Variants in MAN1A1 observed in about 807,000 individuals in gnomAD.
The protein encoded by MAN1A1 is mannosyl-oligosaccharide 1,2-alpha-mannosidase IA.
Under a neutral mutation model 70.8 loss-of-function variants are expected in MAN1A1, and 29 were observed. The ratio of observed to expected loss-of-function variants is 0.41; its 90% CI spans 0.31 to 0.56. MAN1A1 has a LOEUF of 0.56. Among genes scored for constraint, MAN1A1 ranks in the 20% least tolerant of loss-of-function variants. The pLI, the probability that MAN1A1 is intolerant of heterozygous loss-of-function variation, is 0.29. For synonymous variants in MAN1A1, 349 were observed against 330.1 expected, an observed-to-expected ratio of 1.06 and a Z score of -0.62; for missense variants, 747 against 841.3, an observed-to-expected ratio of 0.89 and a Z score of 1.39.
chr6:119,347,008 AGTT>A (rs1409947522), intron 2 of MAN1A1, among the ~76,000 whole-genome samples: 2 of 152,350 alleles, frequency 1.3e-5, no homozygotes, highest in Admixed American at 6.5e-5. Context: ...ACTGCTAGAC[AGTT>A]GTTCTGGAAA....
intron 5 of MAN1A1, among the ~76,000 whole-genome samples, chr6:119,279,431 A>G (rs1402266933): frequency 6.6e-6 from 1 of 152,206 alleles, no homozygotes; most frequent in East Asian, 1.9e-4. Context: ...GCTTGTACCT[A>G]AAGTGCCGAA....
chr6:119,306,137 G>A (rs559631904), intron 3 of MAN1A1, among the ~76,000 whole-genome samples: 1 of 152,310 alleles, frequency 6.6e-6, no homozygotes, highest in Admixed American at 6.5e-5. Context: ...TATAGAAAGT[G>A]TTCTATTGTT....
At chr6:119,261,100 A>C (rs1582744897) in intron 5 of MAN1A1, among the ~76,000 whole-genome samples, 1 of 148,692 alleles carries the variant, frequency 6.7e-6, no homozygotes, top group South Asian at 2.1e-4. Flanking sequence ...TGCCTCAGCC[A>C]CCTGAGCAGC....
At chr6:119,280,119 A>G (rs756669650) in intron 5 of MAN1A1, among the ~76,000 whole-genome samples, 7 of 152,134 alleles carry the variant, frequency 4.6e-5, no homozygotes, top group African/African-American at 7.2e-5. Flanking sequence ...ATTAAGGCCT[A>G]TTTTCTCAGT....
At chr6:119,307,419 TACAG>T (rs1363061050) in intron 2 of MAN1A1, among the ~76,000 whole-genome samples, 4 of 152,202 alleles carry the variant, frequency 2.6e-5, no homozygotes, top group African/African-American at 7.2e-5. Flanking sequence ...CCTCACAGCA[TACAG>T]ACAAATATTC....
At chr6:119,183,293 C>T (rs949822096) in intron 11 of MAN1A1, among the ~76,000 whole-genome samples, 120 of 152,214 alleles carry the variant, frequency 7.9e-4, no homozygotes, top group African/African-American at 2.8e-3. Context: ...AAAATAAGAC[C>T]GATCAACTTA....
chr6:119,292,202 G>C (rs1335512404), intron 4 of MAN1A1, among the ~76,000 whole-genome samples: 1 of 151,876 alleles, frequency 6.6e-6, no homozygotes, highest in African/African-American at 2.4e-5. Flanking sequence ...CTGTTACTAG[G>C]TAAGTTAGAA....
chr6:119,272,867 T>C (rs4946406), intron 5 of MAN1A1, among the ~76,000 whole-genome samples: 47,402 of 152,008 alleles, frequency 0.31, 7,699 homozygotes, highest in East Asian at 0.54. Context: ...GACCAATCTT[T>C]ATTTAAGCTT....
rs140778713 is a variant in MAN1A1, at chr6:119,317,883, T to TA, written c.604-10892dup. 4.0e-3 allele frequency among the ~76,000 whole-genome samples: 583 copies of TA among 144,640 alleles called. 3 individuals carry two copies. The highest frequency in any genetic ancestry group is 9.6e-3 in the African/African-American group (379 of 39,540). 94.9% of individuals were successfully genotyped at this position (144,640 alleles called of 152,430 possible). On this transcript the variant is annotated intron_variant, in intron 2 of 12. Coordinates refer to ENST00000368468, the MANE Select transcript of MAN1A1 (RefSeq NM_005907.4). ...ATATTATAGGAAAATTTGTTTTTCC[T>TA]AAAAAAAAAACAAAAAAAACCTTCT...
chr6:119,280,148 T>C (rs1463449449), intron 5 of MAN1A1, among the ~76,000 whole-genome samples: 1 of 152,202 alleles, frequency 6.6e-6, no homozygotes, highest in Non-Finnish European at 1.5e-5. Flanking sequence ...CCCTGGACAA[T>C]CTTACTCCTG....
chr6:119,327,880 G>A (rs1050239956), intron 2 of MAN1A1, among the ~76,000 whole-genome samples: 9 of 152,154 alleles, frequency 5.9e-5, no homozygotes, highest in African/African-American at 2.2e-4. Context: ...AAGAATGCAG[G>A]TGGCCTTCAG....
intron 6 of MAN1A1, among the ~76,000 whole-genome samples, chr6:119,216,106 G>A (rs1345161880): frequency 6.6e-6 from 1 of 152,200 alleles, no homozygotes; most frequent in Non-Finnish European, 1.5e-5. Flanking sequence ...CAGGGCCTCT[G>A]GAGAGCTGAT....
chr6:119,186,950 G>A (rs3819730), intron 11 of MAN1A1, among the ~76,000 whole-genome samples: 30,048 of 152,092 alleles, frequency 0.2, 3,027 homozygotes, highest in Middle Eastern at 0.21. Context: ...ACAGGGAAAC[G>A]ATTTCAGGTC....
intron 5 of MAN1A1, among the ~76,000 whole-genome samples, chr6:119,286,417 A>G (rs1776376102): frequency 6.6e-6 from 1 of 151,364 alleles, no homozygotes; most frequent in African/African-American, 2.4e-5. Flanking sequence ...CCACAATCCT[A>G]CTCCCCTCTG....
Position 119,251,006 on chromosome 6 carries a change from T to C in MAN1A1, c.898-2652A>G, listed in dbSNP as rs12661800. 0.02 allele frequency among the ~76,000 whole-genome samples: 3,052 copies of C among 152,310 alleles called. 172 individuals are homozygous for C. The East Asian group carries it at 0.25, about 12-fold the overall frequency. The stretch of plus-strand genomic sequence containing the variant: ...TTTGATTTTTGATTTACCGCCTCCA[T>C]CAGTCACTAAGTATCACTGTTAACT... On this transcript the variant is annotated intron_variant, in intron 5 of 12. Transcript: ENST00000368468.
intron 5 of MAN1A1, among the ~76,000 whole-genome samples, chr6:119,278,724 T>C (rs1354170488): frequency 6.6e-6 from 1 of 152,132 alleles, no homozygotes; most frequent in East Asian, 1.9e-4. Flanking sequence ...GGATCCCTCA[T>C]GAATGGCTTG....
At chr6:119,329,290 G>A (rs1773240336) in intron 2 of MAN1A1, among the ~76,000 whole-genome samples, 1 of 152,170 alleles carries the variant, frequency 6.6e-6, no homozygotes, top group Non-Finnish European at 1.5e-5. Context: ...CAGCCTGTCT[G>A]CAGAGGAAAG....
chr6:119,234,913 G>A (rs1048821247), intron 6 of MAN1A1, among the ~76,000 whole-genome samples: 3 of 152,036 alleles, frequency 2.0e-5, no homozygotes, highest in Non-Finnish European at 4.4e-5. Flanking sequence ...TCAAGTTTTG[G>A]TAATTCTTCC....
rs1166722913 is a variant in MAN1A1, at chr6:119,349,051, GC to G, written c.14del (p.Gly5AlafsTer34). On this transcript the variant is annotated frameshift_variant, in exon 2 of 13. Transcript: ENST00000368468. LOFTEE classifies it high-confidence loss of function. The part of the protein sequence containing the change: MPVG[G>X]LLPLFSSPAG... Reference sequence around the variant, plus strand: ...CGGGGCTGCTGAAGAGCGGCAACAGGCCCCCCACGGGCATCGCTCCCGCTGT... The same window carrying G: ...CGGGGCTGCTGAAGAGCGGCAACAGGCCCCCACGGGCATCGCTCCCGCTGT... 1 of 1,320,518 alleles carries G rather than the reference GC, an allele frequency of 7.6e-7. No individual in the cohort carries two copies. The highest frequency in any genetic ancestry group is 4.1e-5 in the Admixed American group (1 of 24,160). 81.8% of individuals were successfully genotyped at this position (1,320,518 alleles called of 1,614,324 possible). A position where few individuals can be genotyped will look rare whatever the true frequency, so the allele number is the denominator to read the frequency against.
Sources: allele counts gnomAD v4.1 joint callset (sites outside exome capture counted in the v4.1 genomes callset), GRCh38; gene constraint gnomAD v4.1.1; transcripts MANE v1.5; gene names NCBI Gene and HGNC (gene_info 2026-07-23, HGNC 2026-07-21).